The following TYW1B variants were observed in gnomAD, a reference collection of about 807,000 sequenced individuals.
The protein encoded by TYW1B is tRNA-yW synthesizing protein 1 homolog B, also known as S-adenosyl-L-methionine-dependent tRNA 4-demethylwyosine synthase TYW1B.
Under a neutral mutation model 86.9 loss-of-function variants are expected in TYW1B, and 73 were observed. The observed-to-expected ratio is 0.84, with a 90% CI of 0.70 to 1.02. TYW1B has a LOEUF of 1.02. TYW1B is among the 50% of genes least tolerant of loss of function. The pLI is 0.00. For synonymous variants in TYW1B, 248 were observed against 292.8 expected (o/e 0.85, Z 1.56); for missense variants, 637 against 827.4 (o/e 0.77, Z 2.82).
chr7:72,687,602 ATGT>A (rs1323524992), intron 11 of TYW1B, among the ~76,000 whole-genome samples: 1 of 152,162 alleles, frequency 6.6e-6, no homozygotes, highest in Non-Finnish European at 1.5e-5. Context: ...TTATATTATA[ATGT>A]TGAGAAATCA....
Position 72,575,126 on chromosome 7 carries a change from AG to A in TYW1B, c.*371del, listed in dbSNP as rs1554428210. On this transcript the variant is annotated 3_prime_UTR_variant, in exon 14 of 14. Coordinates refer to ENST00000620995, the MANE Select transcript of TYW1B (RefSeq NM_001145440.3). ...CTCCATGAAATCCAAGGGCCAGGTG[AG>A]GGGAAGAGGCCCAGGGATTTCTTCC... The A allele has an allele frequency of 7.6e-6, 8 of 1,059,112 alleles. No homozygotes were observed. The highest frequency in any genetic ancestry group is 8.0e-6 in the Non-Finnish European group (7 of 876,134). The allele number at this position is 1,059,112 out of a possible 1,614,324, so 65.6% of individuals were successfully genotyped here. A position where few individuals can be genotyped will look rare whatever the true frequency, so the allele number is the denominator to read the frequency against.
chr7:72,640,766 A>T (rs1812783477), intron 11 of TYW1B, among the ~76,000 whole-genome samples: 1 of 152,142 alleles, frequency 6.6e-6, no homozygotes, highest in Admixed American at 6.5e-5. Context: ...GTAACCAATA[A>T]CATAAGACAA....
At chr7:72,820,222 C>T (rs1788803905) in intron 2 of TYW1B, among the ~76,000 whole-genome samples, 1 of 152,158 alleles carries the variant, frequency 6.6e-6, no homozygotes, top group African/African-American at 2.4e-5. Flanking sequence ...TTGCAGTGAG[C>T]TGAGATCGCA....
chr7:72,590,723 T>A (rs1451263780), intron 13 of TYW1B, among the ~76,000 whole-genome samples: 1 of 152,036 alleles, frequency 6.6e-6, no homozygotes, highest in African/African-American at 2.4e-5. Context: ...AGGCAAAGAA[T>A]CTGATTCCCA....
chr7:72,647,895 A>C (rs1554442250), intron 11 of TYW1B, among the ~76,000 whole-genome samples: 2 of 152,074 alleles, frequency 1.3e-5, no homozygotes, highest in African/African-American at 4.8e-5. Flanking sequence ...TATGTTGCCC[A>C]GGCTTGTCTC....
At chr7:72,683,172 A>T (rs1813918846) in intron 11 of TYW1B, among the ~76,000 whole-genome samples, 1 of 152,188 alleles carries the variant, frequency 6.6e-6, no homozygotes, top group Non-Finnish European at 1.5e-5. Context: ...AAGAAAAGGG[A>T]AATAGCCAAC....
intron 13 of TYW1B, among the ~76,000 whole-genome samples, chr7:72,583,192 A>G (rs1429650629): frequency 6.6e-6 from 1 of 152,092 alleles, no homozygotes; most frequent in Admixed American, 6.6e-5. Context: ...GTGAAACCCC[A>G]TCTCTACTAA....
intron 11 of TYW1B, among the ~76,000 whole-genome samples, chr7:72,632,435 TACGTATATATATA>T: frequency 1.1e-5 from 1 of 95,204 alleles, no homozygotes; most frequent in African/African-American, 5.1e-5. Context: ...AATATATATA[TACGTATATATATA>T]AAATATATAT....
At chr7:72,613,401 CTTTTTTT>C (rs71517349) in intron 13 of TYW1B, among the ~76,000 whole-genome samples, 28 of 80,968 alleles carry the variant, frequency 3.5e-4, no homozygotes, top group Non-Finnish European at 4.6e-4. Flanking sequence ...TTTATATCTT[CTTTTTTT>C]TTTTTTTTTT....
In TYW1B at chr7:72,656,716, C is replaced by T. The variant is rs577375139; in HGVS notation, c.1507-27719G>A. ...AGGGTGTACAGGAAGCATGGTGCTGCGACCTGCTTCTGGTGAGGCCTCAGG... is the reference window on the plus strand; with the variant it reads ...AGGGTGTACAGGAAGCATGGTGCTGTGACCTGCTTCTGGTGAGGCCTCAGG... On this transcript the variant is annotated intron_variant, in intron 11 of 13. Coordinates refer to ENST00000620995, the MANE Select transcript of TYW1B (RefSeq NM_001145440.3). Among the ~76,000 whole-genome samples the T allele has an allele frequency of 3.9e-4, 60 of 152,222 alleles. 1 individual carries two copies. The South Asian group carries it at 9.5e-3, about 24-fold the overall frequency.
intron 9 of TYW1B, among the ~76,000 whole-genome samples, chr7:72,715,716 T>C (rs1394968090): frequency 1.3e-5 from 2 of 151,382 alleles, no homozygotes; most frequent in East Asian, 3.9e-4. Flanking sequence ...GTAACAAACC[T>C]GCACTTGTAC....
At chr7:72,660,166 C>T (rs868961031) in intron 11 of TYW1B, among the ~76,000 whole-genome samples, 5 of 152,004 alleles carry the variant, frequency 3.3e-5, no homozygotes, top group South Asian at 2.1e-4. Flanking sequence ...GCCAGGAGTT[C>T]GAGACCTACC....
At chr7:72,736,480 C>T (rs1787198900) in intron 8 of TYW1B, among the ~76,000 whole-genome samples, 1 of 152,182 alleles carries the variant, frequency 6.6e-6, no homozygotes, top group African/African-American at 2.4e-5. Context: ...AGAGAAGTTA[C>T]TATTTATTCT....
At chr7:72,794,119 C>G (rs1788266809) in intron 6 of TYW1B, among the ~76,000 whole-genome samples, 1 of 152,204 alleles carries the variant, frequency 6.6e-6, no homozygotes, top group Admixed American at 6.6e-5. Context: ...ATAAAGAACT[C>G]AGGCGTGTTC....
intron 13 of TYW1B, among the ~76,000 whole-genome samples, chr7:72,579,951 C>T (rs1160137670): frequency 6.6e-6 from 1 of 152,196 alleles, no homozygotes; most frequent in African/African-American, 2.4e-5. Context: ...GCACCCAGCC[C>T]TGATGTCTCT....
intron 7 of TYW1B, among the ~76,000 whole-genome samples, chr7:72,759,811 A>G (rs138896450): frequency 8.9e-4 from 136 of 152,328 alleles, no homozygotes; most frequent in African/African-American, 3.2e-3. Context: ...GTAACCAACA[A>G]CTTTGACACC....
chr7:72,581,454 T>C (rs185950783), intron 13 of TYW1B, among the ~76,000 whole-genome samples: 1 of 152,292 alleles, frequency 6.6e-6, no homozygotes, highest in Admixed American at 6.5e-5. Context: ...TTTTTTATTA[T>C]CATTTTTATT....
Position 72,603,412 on chromosome 7 carries a change from CAG to C in TYW1B, c.1785+13258_1785+13259del, listed in dbSNP as rs529020470. 1.9e-3 allele frequency among the ~76,000 whole-genome samples: 290 copies of C among 152,142 alleles called. 2 individuals are homozygous for C. Among genetic ancestry groups the C allele is most frequent in the Non-Finnish European group, 3.1e-3 (210 of 67,980 alleles). On this transcript the variant is annotated intron_variant, in intron 13 of 13. Transcript: ENST00000620995. ...ATGGATGCACAGAAGGATGGAAAGACAGAGATGGTGATACAGATATATAACTG... is the reference window on the plus strand; with the variant it reads ...ATGGATGCACAGAAGGATGGAAAGACAGATGGTGATACAGATATATAACTG...
At chr7:72,731,953 A>T (rs1299341869) in intron 8 of TYW1B, among the ~76,000 whole-genome samples, 9 of 152,288 alleles carry the variant, frequency 5.9e-5, no homozygotes, top group African/African-American at 1.2e-4. Flanking sequence ...TAAAAAAATT[A>T]AAAAATTTAA....
Sources: gnomAD v4.1 joint callset for allele counts (sites outside exome capture counted in the v4.1 genomes callset) on GRCh38, gnomAD v4.1.1 for gene constraint, MANE v1.5 for transcripts, NCBI Gene and HGNC (gene_info 2026-07-23, HGNC 2026-07-21) for gene names.